TDRD12: variants seen among roughly 807,000 people sequenced by gnomAD.
TDRD12 encodes putative ATP-dependent RNA helicase TDRD12.
Under a neutral mutation model 133.5 loss-of-function variants are expected in TDRD12, and 158 were observed. The ratio of observed to expected loss-of-function variants is 1.18; its 90% CI spans 1.04 to 1.35. TDRD12 has a LOEUF of 1.35. Among genes scored for constraint, TDRD12 ranks in the 40% most tolerant of loss-of-function variants. TDRD12 has a pLI of 0.00. For missense variants in TDRD12, 1,443 were observed against 1,321.3 expected (o/e 1.09, Z -1.43); for synonymous variants, 460 against 477.9 (o/e 0.96, Z 0.49).
intron 8 of TDRD12, among the ~76,000 whole-genome samples, chr19:32,762,442 GGAGTTTTATTA>G (rs1330821670): frequency 6.6e-6 from 1 of 152,190 alleles, no homozygotes; most frequent in East Asian, 1.9e-4. Context: ...GAGAAGGTTG[GGAGTTTTATTA>G]GAGAAATCTT....
exon 20 of TDRD12, chr19:32,802,685 G>A (rs1971434024): frequency 1.3e-6 from 2 of 1,536,200 alleles, no homozygotes; most frequent in South Asian, 2.4e-5. Context: ...CCCACTCTTG[G>A]CCATCACCGA....
intron 8 of TDRD12, among the ~76,000 whole-genome samples, chr19:32,759,873 C>A (rs571339057): frequency 6.6e-6 from 1 of 152,250 alleles, no homozygotes; most frequent in Non-Finnish European, 1.5e-5. Context: ...ATGTCATCCC[C>A]ATCCCCCTGG....
intron 4 of TDRD12, among the ~76,000 whole-genome samples, chr19:32,743,208 G>T (rs1190177144): frequency 2.6e-5 from 4 of 152,256 alleles, no homozygotes; most frequent in Admixed American, 1.3e-4. Context: ...CGCGCGCACG[G>T]TCTCACCCTT....
chr19:32,721,614 A>G (rs113827963), intron 1 of TDRD12, among the ~76,000 whole-genome samples: 12,388 of 151,916 alleles, frequency 0.082, 955 homozygotes, highest in East Asian at 0.23. Context: ...TCCTGACCTC[A>G]GGTGATCCAC....
At chr19:32,783,775 G>T (rs1970833537) in intron 11 of TDRD12, among the ~76,000 whole-genome samples, 1 of 152,076 alleles carries the variant, frequency 6.6e-6, no homozygotes, top group Admixed American at 6.6e-5. Flanking sequence ...TCTGTTATTG[G>T]TGTATAGGAA....
Position 32,735,839 on chromosome 19 carries a change from G to A in TDRD12, c.184-3017G>A, listed in dbSNP as rs139482002. ...ACAAAAATTAGCCAGGTGTGGTGGC[G>A]GACACCTGTAATCCCAGCTACTGGG... On this transcript the variant is annotated intron_variant, in intron 2 of 27. Coordinates refer to ENST00000444215, the Ensembl canonical transcript of TDRD12. 9.1e-3 allele frequency among the ~76,000 whole-genome samples: 1,391 copies of A among 152,084 alleles called. 25 individuals carry two copies. Among genetic ancestry groups the A allele is most frequent in the African/African-American group, 0.031 (1,306 of 41,512 alleles).
At chr19:32,720,044 G>A (rs1433574640) in exon 1 of TDRD12, 18 of 1,547,722 alleles carry the variant, frequency 1.2e-5, no homozygotes, top group African/African-American at 2.7e-5. Flanking sequence ...CAGGGCGAGG[G>A]GGCCCATCTG....
chr19:32,812,395 T>C (rs1967038349), intron 24 of TDRD12, among the ~76,000 whole-genome samples: 1 of 152,200 alleles, frequency 6.6e-6, no homozygotes, highest in Non-Finnish European at 1.5e-5. Flanking sequence ...AAATGGGACA[T>C]GAAATAAGTT....
intron 27 of TDRD12, among the ~76,000 whole-genome samples, chr19:32,819,670 G>A (rs1176727104): frequency 6.6e-6 from 1 of 152,174 alleles, no homozygotes; most frequent in African/African-American, 2.4e-5. Flanking sequence ...GTTTCACAGA[G>A]AGCCTGCTAG....
At chr19:32,801,707 C>G (rs1971395141) in intron 18 of TDRD12, 49 bp from the exon 19 acceptor site, 3 of 659,652 alleles carry the variant, frequency 4.5e-6, no homozygotes, top group Middle Eastern at 2.5e-4. Context: ...CGGTTGGCTT[C>G]CAGCCTATAT....
chr19:32,801,283 A>G (rs1017663216), intron 18 of TDRD12, among the ~76,000 whole-genome samples: 1 of 152,170 alleles, frequency 6.6e-6, no homozygotes, highest in African/African-American at 2.4e-5. Flanking sequence ...AATCAAATAA[A>G]TTGGCTAAAG....
At chr19:32,728,169 T>G (rs1225790324) in intron 1 of TDRD12, among the ~76,000 whole-genome samples, 1 of 152,218 alleles carries the variant, frequency 6.6e-6, no homozygotes, top group African/African-American at 2.4e-5. Flanking sequence ...TACTGTAGCT[T>G]TGTAGTAAAG....
intron 2 of TDRD12, among the ~76,000 whole-genome samples, chr19:32,735,830 T>C (rs1031389493): frequency 1.3e-5 from 2 of 151,848 alleles, no homozygotes; most frequent in Non-Finnish European, 2.9e-5. Flanking sequence ...ATTAGCCAGG[T>C]GTGGTGGCGG....
chr19:32,772,023 T>C (rs1475212630), intron 8 of TDRD12, among the ~76,000 whole-genome samples: 1 of 152,144 alleles, frequency 6.6e-6, no homozygotes, highest in African/African-American at 2.4e-5. Context: ...TGCTCATGGG[T>C]TCTGTGGTCA....
downstream of TDRD12, among the ~76,000 whole-genome samples, chr19:32,822,556 G>A (rs1967437058): frequency 6.6e-6 from 1 of 152,136 alleles, no homozygotes; most frequent in Non-Finnish European, 1.5e-5. Flanking sequence ...GACCATCGTG[G>A]CTAACACGGT....
chr19:32,801,406 A>T (rs1014115306), intron 18 of TDRD12, among the ~76,000 whole-genome samples: 1 of 152,194 alleles, frequency 6.6e-6, no homozygotes, highest in Admixed American at 6.5e-5. Context: ...AGCTAGAAGT[A>T]TAGTTATATG....
At chr19:32,731,314 G>A (rs1020407174) in intron 1 of TDRD12, among the ~76,000 whole-genome samples, 1 of 152,002 alleles carries the variant, frequency 6.6e-6, no homozygotes, top group African/African-American at 2.4e-5. Flanking sequence ...TAGCACTTAG[G>A]GAGGCCGAAG....
chr19:32,768,196 C>T (rs1970351108), intron 8 of TDRD12, among the ~76,000 whole-genome samples: 1 of 152,088 alleles, frequency 6.6e-6, no homozygotes, highest in South Asian at 2.1e-4. Context: ...TTTGCTGACC[C>T]TGATCTGGAG....
At chr19:32,719,972 T>C (rs1599809963) in exon 1 of TDRD12, 1 of 1,434,374 alleles carries the variant, frequency 7.0e-7, no homozygotes, top group Non-Finnish European at 9.5e-7. Flanking sequence ...AGGAACGCAC[T>C]CGCGGCGGGG....
Sources: allele counts gnomAD v4.1 joint callset (sites outside exome capture counted in the v4.1 genomes callset), GRCh38; gene constraint gnomAD v4.1.1; transcripts MANE v1.5; gene names NCBI Gene and HGNC (gene_info 2026-07-23, HGNC 2026-07-21).